RIMKLA: variants seen among roughly 807,000 people sequenced by gnomAD.
RIMKLA encodes ribosomal modification protein rimK like family member A, also known as N-acetylaspartylglutamate synthase A.
Under a neutral mutation model 32.7 loss-of-function variants are expected in RIMKLA, and 14 were observed. That is an observed-to-expected ratio of 0.43 (90% CI 0.28 to 0.67). The LOEUF (loss-of-function observed/expected upper bound fraction) is 0.67. Among genes scored for constraint, RIMKLA ranks in the 30% least tolerant of loss-of-function variants. The probability of loss-of-function intolerance (pLI) is 0.18; values close to 1 mark genes in which losing one functional copy is unlikely to be tolerated. For missense variants in RIMKLA, 410 were observed against 519.0 expected, an observed-to-expected ratio of 0.79 and a Z score of 2.04; for synonymous variants, 176 against 204.1, an observed-to-expected ratio of 0.86 and a Z score of 1.18.
At chr1:42,406,497 G>A (rs1338419402) in intron 3 of RIMKLA, among the ~76,000 whole-genome samples, 1 of 152,132 alleles carries the variant, frequency 6.6e-6, no homozygotes, top group Non-Finnish European at 1.5e-5. Context: ...GGACTTTTGT[G>A]TCTGGCTTCT....
At chr1:42,411,726 T>C (rs2148395540) in intron 4 of RIMKLA, among the ~76,000 whole-genome samples, 1 of 141,162 alleles carries the variant, frequency 7.1e-6, no homozygotes, top group East Asian at 2.2e-4. Flanking sequence ...CAGGCTGGAG[T>C]GCAGTGGCAC....
intron 2 of RIMKLA, among the ~76,000 whole-genome samples, chr1:42,401,362 C>T (rs570751458): frequency 6.6e-6 from 1 of 150,606 alleles, no homozygotes; most frequent in Admixed American, 6.7e-5. Context: ...ATAAAAGAAA[C>T]TAATCACTTG....
At chr1:42,399,847 G>A (rs1363577362) in intron 2 of RIMKLA, among the ~76,000 whole-genome samples, 1 of 152,190 alleles carries the variant, frequency 6.6e-6, no homozygotes. Flanking sequence ...TACACACTGT[G>A]TGCCAGGCAG....
At chr1:42,405,864 G>A (rs542716400) in intron 3 of RIMKLA, among the ~76,000 whole-genome samples, 1 of 152,242 alleles carries the variant, frequency 6.6e-6, no homozygotes, top group East Asian at 1.9e-4. Context: ...TGAATTGGCG[G>A]AAGTGAGTGA....
intron 1 of RIMKLA, among the ~76,000 whole-genome samples, chr1:42,398,039 G>A (rs776254654): frequency 6.6e-6 from 1 of 152,202 alleles, no homozygotes; most frequent in Non-Finnish European, 1.5e-5. Context: ...CTAAGGGAGT[G>A]GAAAAGTATC....
chr1:42,388,673 C>T (rs1008903540), intron 1 of RIMKLA, among the ~76,000 whole-genome samples: 1 of 152,012 alleles, frequency 6.6e-6, no homozygotes, highest in Admixed American at 6.6e-5. Flanking sequence ...CACATGCCAC[C>T]GTACTGGCTG....
chr1:42,397,293 C>A (rs1226012861), intron 1 of RIMKLA, among the ~76,000 whole-genome samples: 1 of 152,158 alleles, frequency 6.6e-6, no homozygotes. Flanking sequence ...TATTATTCAT[C>A]ACCTGGTGGA....
chr1:42,398,822 C>T (rs1643068997), intron 1 of RIMKLA, among the ~76,000 whole-genome samples: 2 of 151,996 alleles, frequency 1.3e-5, no homozygotes, highest in Admixed American at 1.3e-4. Context: ...CAAAAATTAG[C>T]TGGGCATGGT....
At chr1:42,402,807 T>A (rs1643111952) in intron 2 of RIMKLA, among the ~76,000 whole-genome samples, 1 of 152,050 alleles carries the variant, frequency 6.6e-6, no homozygotes, top group African/African-American at 2.4e-5. Flanking sequence ...CCCAGGCTGG[T>A]CTCAAACTCC....
chr1:42,409,908 GACA>G, intron 3 of RIMKLA, 73 bp from the exon 4 acceptor site: 1 of 1,138,930 alleles, frequency 8.8e-7, no homozygotes, highest in Middle Eastern at 2.6e-4. Flanking sequence ...TGACTTTATG[GACA>G]AGGAGGCCAG....
chr1:42,405,377 T>C (rs762456630), intron 3 of RIMKLA, among the ~76,000 whole-genome samples: 1 of 152,236 alleles, frequency 6.6e-6, no homozygotes, highest in Non-Finnish European at 1.5e-5. Flanking sequence ...GACCAGATCC[T>C]GAGCATCTGT....
At chr1:42,391,088 TAGG>T (rs529650471) in intron 1 of RIMKLA, among the ~76,000 whole-genome samples, 98 of 152,118 alleles carry the variant, frequency 6.4e-4, no homozygotes, top group South Asian at 2.1e-4. Context: ...GCTGGAAAGA[TAGG>T]AGGAGTGGTT....
At chr1:42,413,982 T>C (rs1456420209) in intron 4 of RIMKLA, among the ~76,000 whole-genome samples, 1 of 151,500 alleles carries the variant, frequency 6.6e-6, no homozygotes, top group African/African-American at 2.4e-5. Context: ...GTCCAAACGC[T>C]TGGCCTCAAG....
At position 42,414,930 on chromosome 1, in the gene RIMKLA, TACA is replaced by T. The variant is rs1360884924; in HGVS notation, c.1136_1138del (p.Asn379del). 41 of 1,613,722 alleles carry T rather than the reference TACA, an allele frequency of 2.5e-5. No homozygotes were observed. The highest frequency in any genetic ancestry group is 5.5e-5 in the South Asian group (5 of 91,038). On this transcript the variant is annotated inframe_deletion, in exon 5 of 5. Transcript: ENST00000431473. ...ACCCTCCATGCTGCCCGAACCTGGCTACAACATTAACAACAGGATTGCTTCTGA... is the reference window on the plus strand; with the variant it reads ...ACCCTCCATGCTGCCCGAACCTGGCTACATTAACAACAGGATTGCTTCTGA...
At chr1:42,387,439 T>C (rs1642960294) in intron 1 of RIMKLA, among the ~76,000 whole-genome samples, 1 of 152,216 alleles carries the variant, frequency 6.6e-6, no homozygotes, top group Admixed American at 6.5e-5. Flanking sequence ...GAGAAAGTGA[T>C]AAATTTAGAT....
chr1:42,399,905 A>G (rs1442146680), intron 2 of RIMKLA, among the ~76,000 whole-genome samples: 1 of 152,236 alleles, frequency 6.6e-6, no homozygotes, highest in East Asian at 1.9e-4. Context: ...TCCTGCCCTC[A>G]AGGCATTCCC....
rs780221639 is a variant in RIMKLA, at chr1:42,414,494, C to T, written c.696C>T (p.Gly232=). ...GTGCTTTCCCCACAGGTGGCGTGGG[C>T]GTCAAGTGTCCGCTGACAGAACAAG... is the stretch of plus-strand genomic sequence containing the variant. The part of the protein sequence containing the change: ...MQSNCSLGGV[G]VKCPLTEQGK... The change falls in exon 5 of 5, where the codon GGC becomes GGT. Residue 232 remains glycine (G), a synonymous_variant. Transcript: ENST00000431473. 48 of 1,613,918 alleles carry T rather than the reference C, an allele frequency of 3.0e-5. No individual in the cohort carries two copies. The highest frequency in any genetic ancestry group is 1.6e-4 in the Middle Eastern group (1 of 6,062).
chr1:42,407,069 C>A (rs1643153575), intron 3 of RIMKLA, among the ~76,000 whole-genome samples: 1 of 151,906 alleles, frequency 6.6e-6, no homozygotes, highest in Non-Finnish European at 1.5e-5. Flanking sequence ...CCATGCCTGG[C>A]TGATTTTTGC....
At chr1:42,408,144 C>A (rs1643163440) in intron 3 of RIMKLA, among the ~76,000 whole-genome samples, 2 of 152,176 alleles carry the variant, frequency 1.3e-5, no homozygotes, top group African/African-American at 4.8e-5. Flanking sequence ...AGACAGGGAA[C>A]ACTGATGCTG....
Sources: gnomAD v4.1 joint callset for allele counts (sites outside exome capture counted in the v4.1 genomes callset) on GRCh38, gnomAD v4.1.1 for gene constraint, MANE v1.5 for transcripts, NCBI Gene and HGNC (gene_info 2026-07-23, HGNC 2026-07-21) for gene names.